Variants in TULP4 observed in about 807,000 individuals in gnomAD.
The protein encoded by TULP4 is tubby-related protein 4.
TULP4 carries 16 observed loss-of-function variants against 129.0 expected under a neutral mutation model. The ratio of observed to expected loss-of-function variants is 0.12; its 90% CI spans 0.08 to 0.19. TULP4 has a LOEUF of 0.19. Ranked by LOEUF, TULP4 falls within the 10% of genes least tolerant of loss-of-function variation. TULP4 has a pLI of 1.00. For synonymous variants in TULP4, 998 were observed against 854.0 expected, an observed-to-expected ratio of 1.17 and a Z score of -2.94; for missense variants, 1,842 against 2,059.1, an observed-to-expected ratio of 0.89 and a Z score of 2.04.
chr6:158,434,230 C>G (rs1778700164), intron 3 of TULP4, among the ~76,000 whole-genome samples: 1 of 152,128 alleles, frequency 6.6e-6, no homozygotes, highest in South Asian at 2.1e-4. Flanking sequence ...CAACAAAATT[C>G]AACATATGAG....
At chr6:158,253,845 G>A (rs1778192493) in intron 1 of TULP4, among the ~76,000 whole-genome samples, 1 of 152,068 alleles carries the variant, frequency 6.6e-6, no homozygotes. Context: ...GACCAGACTG[G>A]CCAACATGGC....
chr6:158,274,266 A>AAAAAC (rs1375597588), intron 1 of TULP4, among the ~76,000 whole-genome samples: 4 of 152,060 alleles, frequency 2.6e-5, no homozygotes, highest in South Asian at 2.1e-4. Flanking sequence ...TCAAAAAAAC[A>AAAAAC]AAAACAAAAC....
chr6:158,368,066 C>CAAAAAAAAAAAAAAAAAAAAAAAAAAAAA (rs3085241), intron 1 of TULP4, among the ~76,000 whole-genome samples: 3 of 65,016 alleles, frequency 4.6e-5, no homozygotes, highest in Non-Finnish European at 5.8e-5. Flanking sequence ...ACCCTGTCTC[C>CAAAAAAAAAAAAAAAAAAAAAAAAAAAAA]AAAAAAAAAA....
chr6:158,315,486 T>C lies in TULP4; in HGVS notation c.252+1218T>C, dbSNP rs539625826. Among the ~76,000 whole-genome samples the C allele has an allele frequency of 2.6e-5, 4 of 152,242 alleles. No individual in the cohort carries two copies. The South Asian group carries it at 8.3e-4, about 32-fold the overall frequency. ...CATTGAGATCATAGCAATATAAACA[T>C]TCAGTAAGGTGCACTAAACTTAACT... On this transcript the variant is annotated intron_variant, in intron 1 of 13. Transcript: ENST00000367097.
At chr6:158,251,984 T>C (rs1778149326) in intron 1 of TULP4, among the ~76,000 whole-genome samples, 1 of 152,238 alleles carries the variant, frequency 6.6e-6, no homozygotes, top group Non-Finnish European at 1.5e-5. Flanking sequence ...AGCAGAACTC[T>C]CAGGCTGCAG....
intron 11 of TULP4, among the ~76,000 whole-genome samples, chr6:158,497,794 G>A (rs183266692): frequency 4.6e-4 from 70 of 152,264 alleles, no homozygotes; most frequent in Admixed American, 2.0e-3. Context: ...AAGATGCTTC[G>A]ACAAAGGAGG....
intron 3 of TULP4, among the ~76,000 whole-genome samples, chr6:158,442,663 AT>A (rs1235537889): frequency 6.6e-6 from 1 of 152,084 alleles, no homozygotes; most frequent in East Asian, 1.9e-4. Flanking sequence ...ATTTAAATGT[AT>A]TTTTAATGGT....
rs377224630 is a variant in TULP4 at position 158,484,092 on chromosome 6, A to T, written c.1486+2803A>T. On this transcript the variant is annotated intron_variant, in intron 8 of 13. Transcript: ENST00000367097. ...ACCACCACACCTGGCTAATTTTTTA[A>T]TTTTTTTTTTATTTTTGTGGAGGTG... 6.7e-5 allele frequency among the ~76,000 whole-genome samples: 10 copies of T among 149,036 alleles called. No homozygotes were observed. The East Asian group carries it at 1.2e-3, about 18-fold the overall frequency.
Position 158,313,937 on chromosome 6 carries a change from C to G in TULP4, c.-80C>G, listed in dbSNP as rs1291459273. 1.3e-6 allele frequency: 2 copies of G among 1,528,634 alleles called. No individual in the cohort carries two copies. Among genetic ancestry groups the G allele is most frequent in the African/African-American group, 2.7e-5 (2 of 72,820 alleles). The allele number at this position is 1,528,634 out of a possible 1,614,324, so 94.7% of individuals were successfully genotyped here. A position where few individuals can be genotyped will look rare whatever the true frequency, so the allele number is the denominator to read the frequency against. ...GCAACGCAAGCCAACCACAAAAACACATATACCAATGAAAGAAATTGGTTT... is the reference window on the plus strand; with the variant it reads ...GCAACGCAAGCCAACCACAAAAACAGATATACCAATGAAAGAAATTGGTTT... On this transcript the variant is annotated 5_prime_UTR_variant, in exon 1 of 14. Coordinates refer to ENST00000367097, the MANE Select transcript of TULP4 (RefSeq NM_020245.5).
Position 158,510,741 on chromosome 6 carries a change from A to G in TULP4, c.*4047A>G, listed in dbSNP as rs1337996237. The G allele has an allele frequency of 2.6e-5, 4 of 152,210 alleles. No homozygotes were observed. Among genetic ancestry groups the G allele is most frequent in the African/African-American group, 9.7e-5 (4 of 41,416 alleles). The allele number at this position is 152,210 out of a possible 1,614,324, so 9.4% of individuals were successfully genotyped here. On this transcript the variant is annotated 3_prime_UTR_variant, in exon 14 of 14. Transcript: ENST00000367097. ...GTGTGCCCTGCTCAGCTGGATGTCC[A>G]TGAGAACAGCCATGAAATAAGTCAC... is the stretch of plus-strand genomic sequence containing the variant.
rs1562517720 is a variant in TULP4, at chr6:158,316,982, G to A, written c.252+2714G>A. Among the ~76,000 whole-genome samples the A allele has an allele frequency of 2.0e-5, 3 of 152,246 alleles. No individual in the cohort carries two copies. The East Asian group carries it at 5.8e-4, about 29-fold the overall frequency. On this transcript the variant is annotated intron_variant, in intron 1 of 13. Coordinates refer to ENST00000367097, the MANE Select transcript of TULP4 (RefSeq NM_020245.5). ...GCTTCAAATCTTTCTGACTTTTCAT[G>A]TCTGAAAAATGGCACCCCTGAGCCG...
Position 158,402,717 on chromosome 6 carries a change from T to TTAA in TULP4, c.253-10348_253-10347insTAA, listed in dbSNP as rs1441858987. ...GCCATATTAAAGGTCTGAACTAAGC[T>TTAA]GTTAGCTTTCAAGCCTTAAGTTTAG... On this transcript the variant is annotated intron_variant, in intron 1 of 13. Coordinates refer to ENST00000367097, the MANE Select transcript of TULP4 (RefSeq NM_020245.5). Among the ~76,000 whole-genome samples, 73 of 152,358 alleles carry TTAA rather than the reference T, an allele frequency of 4.8e-4. 1 individual carries two copies. Among genetic ancestry groups the TTAA allele is most frequent in the African/African-American group, 1.6e-3 (68 of 41,590 alleles).
intron 1 of TULP4, among the ~76,000 whole-genome samples, chr6:158,397,296 G>C (rs1489720116): frequency 6.6e-6 from 1 of 152,214 alleles, no homozygotes; most frequent in Non-Finnish European, 1.5e-5. Flanking sequence ...TCCAGGCACA[G>C]GATACCATCA....
At chr6:158,235,278 C>T (rs1170260817) in intron 1 of TULP4, among the ~76,000 whole-genome samples, 1 of 152,070 alleles carries the variant, frequency 6.6e-6, no homozygotes, top group Non-Finnish European at 1.5e-5. Flanking sequence ...GAACTTTGTT[C>T]AGATTCCCAA....
At chr6:158,352,433 C>T (rs117066112) in intron 1 of TULP4, among the ~76,000 whole-genome samples, 5 of 152,212 alleles carry the variant, frequency 3.3e-5, no homozygotes, top group South Asian at 2.1e-4. Flanking sequence ...AGTCTTACTC[C>T]GTCACCAGGC....
chr6:158,460,220 T>C (rs139360476), intron 5 of TULP4, among the ~76,000 whole-genome samples: 1 of 152,310 alleles, frequency 6.6e-6, no homozygotes, highest in African/African-American at 2.4e-5. Context: ...AACCTCAGAA[T>C]GTTCTGGTGG....
intron 1 of TULP4, among the ~76,000 whole-genome samples, chr6:158,324,570 A>G (rs535071339): frequency 6.6e-6 from 1 of 152,318 alleles, no homozygotes; most frequent in African/African-American, 2.4e-5. Context: ...TCCTGCCCAG[A>G]TGGATCGTCT....
At chr6:158,405,915 G>A (rs529143927) in intron 1 of TULP4, among the ~76,000 whole-genome samples, 1 of 152,284 alleles carries the variant, frequency 6.6e-6, no homozygotes, top group East Asian at 1.9e-4. Flanking sequence ...CTCAGAACCA[G>A]AACTAATTGA....
At chr6:158,289,224 T>C (rs745832079) in intron 1 of TULP4, among the ~76,000 whole-genome samples, 10 of 152,218 alleles carry the variant, frequency 6.6e-5, no homozygotes, top group Non-Finnish European at 1.2e-4. Context: ...GGTATTATTT[T>C]ATCTTAAGTT....
Sources: allele counts gnomAD v4.1 joint callset (sites outside exome capture counted in the v4.1 genomes callset), GRCh38; gene constraint gnomAD v4.1.1; transcripts MANE v1.5; gene names NCBI Gene and HGNC (gene_info 2026-07-23, HGNC 2026-07-21).